GRID2: variants seen among roughly 807,000 people sequenced by gnomAD.
GRID2 encodes the protein glutamate receptor ionotropic, delta-2.
GRID2 carries 33 observed loss-of-function variants against 114.8 expected under a neutral mutation model. The observed-to-expected ratio is 0.29, with a 90% CI of 0.22 to 0.38. The LOEUF is 0.38. Ranked by LOEUF, GRID2 falls within the 10% of genes least tolerant of loss-of-function variation. The probability of loss-of-function intolerance (pLI) is 1.00; values close to 1 mark genes in which losing one functional copy is unlikely to be tolerated. For synonymous variants in GRID2, 505 were observed against 449.9 expected, an observed-to-expected ratio of 1.12 and a Z score of -1.55; for missense variants, 1,184 against 1,257.7, an observed-to-expected ratio of 0.94 and a Z score of 0.89.
At chr4:93,537,716 T>C (rs1224211011) in intron 13 of GRID2, among the ~76,000 whole-genome samples, 1 of 151,768 alleles carries the variant, frequency 6.6e-6, no homozygotes, top group South Asian at 2.1e-4. Context: ...TGTTTCTCCA[T>C]TAGCCTTGTG....
chr4:92,534,966 T>G (rs1489807953), intron 1 of GRID2, among the ~76,000 whole-genome samples: 1 of 152,152 alleles, frequency 6.6e-6, no homozygotes, highest in Non-Finnish European at 1.5e-5. Context: ...GTTACATGTT[T>G]AGGATTTGGT....
chr4:93,565,379 T>C (rs1398935338), intron 13 of GRID2, among the ~76,000 whole-genome samples: 1 of 152,108 alleles, frequency 6.6e-6, no homozygotes, highest in Admixed American at 6.6e-5. Context: ...CTAGGCAAAG[T>C]GTACAAGGTG....
intron 2 of GRID2, among the ~76,000 whole-genome samples, chr4:92,827,402 T>TA (rs869244288): frequency 0.061 from 8,223 of 134,826 alleles, 280 homozygotes; most frequent in Middle Eastern, 0.17. Context: ...TCCTGAGATT[T>TA]AAAAAAAAAA....
chr4:92,818,312 T>C (rs1741040458), intron 2 of GRID2, among the ~76,000 whole-genome samples: 1 of 152,150 alleles, frequency 6.6e-6, no homozygotes, highest in Admixed American at 6.6e-5. Context: ...CTTTTTTTTG[T>C]ATTCAACTTC....
At chr4:93,586,564 A>G (rs1258441325) in intron 13 of GRID2, among the ~76,000 whole-genome samples, 1 of 152,160 alleles carries the variant, frequency 6.6e-6, no homozygotes, top group Non-Finnish European at 1.5e-5. Flanking sequence ...ATATATTTGC[A>G]TTAGCTCTCA....
intron 1 of GRID2, among the ~76,000 whole-genome samples, chr4:92,501,053 G>C (rs1723659399): frequency 6.6e-6 from 1 of 152,138 alleles, no homozygotes; most frequent in Admixed American, 6.6e-5. Context: ...GCTTATTTCA[G>C]ATGCTCTGCC....
At chr4:92,782,289 T>C (rs1277714675) in intron 2 of GRID2, among the ~76,000 whole-genome samples, 2 of 152,110 alleles carry the variant, frequency 1.3e-5, no homozygotes, top group Non-Finnish European at 2.9e-5. Context: ...GTATCATTAA[T>C]ATAATACTTT....
intron 2 of GRID2, among the ~76,000 whole-genome samples, chr4:92,827,717 TA>T (rs890281369): frequency 3.9e-5 from 6 of 151,962 alleles, no homozygotes; most frequent in Non-Finnish European, 7.4e-5. Context: ...GCTCAACGAA[TA>T]AAAAAATGAA....
intron 4 of GRID2, among the ~76,000 whole-genome samples, chr4:93,154,958 A>G (rs1737048404): frequency 6.6e-6 from 1 of 151,784 alleles, no homozygotes. Flanking sequence ...TTTTTTGCTC[A>G]AAACTCTCAG....
At chr4:93,465,577 A>G (rs10019237) in intron 11 of GRID2, among the ~76,000 whole-genome samples, 12,767 of 152,220 alleles carry the variant, frequency 0.084, 741 homozygotes, top group African/African-American at 0.17. Flanking sequence ...GAACTCATGG[A>G]TATAAAACTA....
chr4:93,300,502 G>T (rs574546820), intron 8 of GRID2, among the ~76,000 whole-genome samples: 2 of 152,266 alleles, frequency 1.3e-5, no homozygotes, highest in South Asian at 4.1e-4. Flanking sequence ...GATCTGTGTT[G>T]AGGTACAGCA....
At chr4:93,242,431 T>C (rs1242151756) in intron 8 of GRID2, among the ~76,000 whole-genome samples, 3 of 152,020 alleles carry the variant, frequency 2.0e-5, no homozygotes, top group Non-Finnish European at 4.4e-5. Flanking sequence ...TAAATTAATG[T>C]AGGCTTGAAG....
chr4:93,188,929 T>A (rs1344652812), intron 4 of GRID2, among the ~76,000 whole-genome samples: 1 of 152,204 alleles, frequency 6.6e-6, no homozygotes, highest in Non-Finnish European at 1.5e-5. Flanking sequence ...CAGAATGACC[T>A]TTATCATACA....
intron 2 of GRID2, among the ~76,000 whole-genome samples, chr4:92,974,383 T>C (rs538983983): frequency 2.0e-5 from 3 of 152,214 alleles, no homozygotes; most frequent in South Asian, 2.1e-4. Context: ...AAGACACATG[T>C]ACATGTATCT....
At chr4:93,624,445 A>G (rs1206321553) in intron 13 of GRID2, among the ~76,000 whole-genome samples, 1 of 152,178 alleles carries the variant, frequency 6.6e-6, no homozygotes, top group African/African-American at 2.4e-5. Flanking sequence ...TAAGCTTGTA[A>G]TAGGCTTGCT....
intron 1 of GRID2, among the ~76,000 whole-genome samples, chr4:92,355,581 C>T (rs989970714): frequency 2.0e-5 from 3 of 151,802 alleles, no homozygotes; most frequent in Non-Finnish European, 4.4e-5. Context: ...TTTAACTTTA[C>T]GTTATGACAT....
At chr4:93,573,710 C>G in intron 13 of GRID2, among the ~76,000 whole-genome samples, 1 of 152,096 alleles carries the variant, frequency 6.6e-6, no homozygotes, top group Non-Finnish European at 1.5e-5. Context: ...TAGTATATCT[C>G]TAGTATGCTA....
intron 2 of GRID2, among the ~76,000 whole-genome samples, chr4:92,797,520 G>T (rs1327963971): frequency 6.6e-6 from 1 of 151,538 alleles, no homozygotes; most frequent in Non-Finnish European, 1.5e-5. Context: ...CACATGTTTT[G>T]CATATATTTT....
chr4:92,603,824 TAAAC>T (rs1477362735), intron 2 of GRID2, among the ~76,000 whole-genome samples: 2 of 151,428 alleles, frequency 1.3e-5, no homozygotes, highest in African/African-American at 2.4e-5. Context: ...ACAAGGAACT[TAAAC>T]AAATTTAGAA....
Sources: gnomAD v4.1 joint callset for allele counts (sites outside exome capture counted in the v4.1 genomes callset) on GRCh38, gnomAD v4.1.1 for gene constraint, MANE v1.5 for transcripts, NCBI Gene and HGNC (gene_info 2026-07-23, HGNC 2026-07-21) for gene names.